Variants in CEP43 observed in about 807,000 individuals in gnomAD.
CEP43 encodes the protein centrosomal protein 43.
A neutral mutation model predicts 52.6 loss-of-function variants in CEP43; 36 were observed. The observed-to-expected ratio is 0.68, with a 90% CI of 0.52 to 0.90. The LOEUF (loss-of-function observed/expected upper bound fraction) is 0.90, where lower values mean the gene tolerates loss of function less well. Among genes scored for constraint, CEP43 ranks in the 40% least tolerant of loss-of-function variants. CEP43 has a pLI of 0.00. For synonymous variants in CEP43, 192 were observed against 172.4 expected (o/e 1.11, Z -0.89); for missense variants, 506 against 472.8 (o/e 1.07, Z -0.65).
At position 167,046,284 on chromosome 6, in the gene CEP43, T is replaced by A. The variant is rs1285293631; in HGVS notation, c.*6306T>A. ...CTTAACACACATTTCCAAGAAAATA[T>A]CCATCACACTAGAAAGAAAGAAAGA... On this transcript the variant is annotated 3_prime_UTR_variant, in exon 13 of 13. Coordinates refer to ENST00000366847, the MANE Select transcript of CEP43 (RefSeq NM_007045.4). The A allele has an allele frequency of 6.8e-6, 1 of 146,150 alleles. No homozygotes were observed. The highest frequency in any genetic ancestry group is 6.9e-5 in the Admixed American group (1 of 14,400). The allele number at this position is 146,150 out of a possible 1,614,324, so 9.1% of individuals were successfully genotyped here.
At position 167,050,153 on chromosome 6, in the gene CEP43, C is replaced by T. The variant is rs1192553187; in HGVS notation, c.*10175C>T. On this transcript the variant is annotated 3_prime_UTR_variant, in exon 13 of 13. Coordinates refer to ENST00000366847, the MANE Select transcript of CEP43 (RefSeq NM_007045.4). Reference sequence around the variant, plus strand: ...AGGGTGGTTTTCCCTACTCTGTTTTCATGATAGTGAGTCTCACAAGGTCTG... The same window carrying T: ...AGGGTGGTTTTCCCTACTCTGTTTTTATGATAGTGAGTCTCACAAGGTCTG... 6.6e-6 allele frequency: 1 copy of T among 152,204 alleles called. No individual in the cohort carries two copies. The highest frequency in any genetic ancestry group is 1.5e-5 in the Non-Finnish European group (1 of 68,096). The allele number at this position is 152,204 out of a possible 1,614,324, so 9.4% of individuals were successfully genotyped here. A position where few individuals can be genotyped will look rare whatever the true frequency, so the allele number is the denominator to read the frequency against.
chr6:167,041,837 CGGGGG>C lies in CEP43; in HGVS notation c.*1862_*1866del. 1 of 39,142 alleles carries C rather than the reference CGGGGG, an allele frequency of 2.6e-5. No homozygotes were observed. The highest frequency in any genetic ancestry group is 3.6e-5 in the Non-Finnish European group (1 of 27,510). The allele number at this position is 39,142 out of a possible 1,614,324, so 2.4% of individuals were successfully genotyped here. ...ACATACATCTTTTTTTTGCGGGGGG[CGGGGG>C]GGACAGAGTCTCACTGTGTCACTCA... On this transcript the variant is annotated 3_prime_UTR_variant, in exon 13 of 13. Transcript: ENST00000366847.
chr6:167,038,187 TTAAC>T (rs1367755399), intron 12 of CEP43, among the ~76,000 whole-genome samples: 1 of 152,262 alleles, frequency 6.6e-6, no homozygotes, highest in African/African-American at 2.4e-5. Context: ...GGTTAATAGG[TTAAC>T]TTTCTAGTTT....
At chr6:167,013,609 A>G (rs781689727) in intron 7 of CEP43, 42 bp downstream of exon 7, 8 of 1,560,526 alleles carry the variant, frequency 5.1e-6, no homozygotes, top group Non-Finnish European at 7.1e-6. Flanking sequence ...GCCTGTGGGC[A>G]TCAGGTCTCG....
chr6:167,010,518 G>A (rs1412446298), intron 5 of CEP43, among the ~76,000 whole-genome samples: 1 of 152,220 alleles, frequency 6.6e-6, no homozygotes, highest in Non-Finnish European at 1.5e-5. Flanking sequence ...GAGAAGGGAA[G>A]TGAGGAAGTA....
chr6:167,016,589 T>C (rs1780104648), intron 7 of CEP43, among the ~76,000 whole-genome samples: 1 of 152,100 alleles, frequency 6.6e-6, no homozygotes, highest in Non-Finnish European at 1.5e-5. Context: ...AAAACTAACA[T>C]GTATTGAGAT....
intron 10 of CEP43, among the ~76,000 whole-genome samples, chr6:167,030,685 C>T (rs571813916): frequency 6.6e-6 from 1 of 152,184 alleles, no homozygotes; most frequent in Admixed American, 6.5e-5. Flanking sequence ...TTGACCCAAG[C>T]CTTTTACCCC....
chr6:167,021,317 A>G (rs887996032), intron 7 of CEP43, among the ~76,000 whole-genome samples: 1 of 152,178 alleles, frequency 6.6e-6, no homozygotes, highest in South Asian at 2.1e-4. Context: ...TGACTTTGAT[A>G]TTGACCTGAC....
chr6:167,040,178 T>A lies in CEP43; in HGVS notation c.*200T>A. ...CTATTTGAGCCCATGTGTGGAAGAT[T>A]TAATATTCTTAATTTAACTGTACAT... On this transcript the variant is annotated 3_prime_UTR_variant, in exon 13 of 13. Coordinates refer to ENST00000366847, the MANE Select transcript of CEP43 (RefSeq NM_007045.4). The A allele has an allele frequency of 6.5e-7, 1 of 1,530,788 alleles. No individual in the cohort carries two copies. Among genetic ancestry groups the A allele is most frequent in the Non-Finnish European group, 8.7e-7 (1 of 1,143,980 alleles). 94.8% of individuals were successfully genotyped at this position (1,530,788 alleles called of 1,614,324 possible).
intron 7 of CEP43, 77 bp downstream of exon 7, chr6:167,013,644 G>C: frequency 1.7e-6 from 2 of 1,173,704 alleles, no homozygotes; most frequent in Non-Finnish European, 1.3e-6. Flanking sequence ...TGGAGCGCTG[G>C]GCTCCTGTCA....
intron 5 of CEP43, among the ~76,000 whole-genome samples, chr6:167,005,313 A>G (rs1011472022): frequency 6.6e-6 from 1 of 152,264 alleles, no homozygotes; most frequent in African/African-American, 2.4e-5. Context: ...TGAATAGCGC[A>G]GAGCTATTTA....
chr6:167,000,011 G>A (rs759585019), intron 1 of CEP43, 49 bp from the exon 2 acceptor site: 1 of 1,512,118 alleles, frequency 6.6e-7, no homozygotes, highest in South Asian at 1.1e-5. Flanking sequence ...AGCTTGTTGT[G>A]AAAATTGTCT....
intron 7 of CEP43, among the ~76,000 whole-genome samples, chr6:167,015,512 G>A (rs548531311): frequency 1.3e-5 from 2 of 152,302 alleles, no homozygotes; most frequent in African/African-American, 4.8e-5. Context: ...GGAGCCATCC[G>A]CATGGTAGGT....
At position 167,029,971 on chromosome 6, in the gene CEP43, G is replaced by A. The variant is rs562493449; in HGVS notation, c.989-2632G>A. 7.9e-5 allele frequency among the ~76,000 whole-genome samples: 12 copies of A among 152,298 alleles called. 1 individual carries two copies. The South Asian group carries it at 2.5e-3, about 32-fold the overall frequency. On this transcript the variant is annotated intron_variant, in intron 10 of 12. Coordinates refer to ENST00000366847, the MANE Select transcript of CEP43 (RefSeq NM_007045.4). ...TATAAAGAACCTTCTTAAGGGTGGG[G>A]GAGATTACAAAGTACATTGATCAGT...
intron 1 of CEP43, 175 bp downstream of exon 1, chr6:166,999,689 C>T (rs895540026): frequency 1.2e-5 from 6 of 482,430 alleles, no homozygotes; most frequent in Admixed American, 4.3e-5. Context: ...AGGGGGTCGG[C>T]TCGTTCGTTC....
intron 10 of CEP43, chr6:167,028,333 G>A: frequency 1.0e-6 from 1 of 985,404 alleles, no homozygotes; most frequent in Non-Finnish European, 1.2e-6. Context: ...GCTGGGTACA[G>A]GCAGGAGGGT....
In CEP43 at chr6:167,042,360, T is replaced by G. The variant is rs1583297254; in HGVS notation, c.*2382T>G. ...GTGGAGTTTTAAAAATGCTAGGTCT[T>G]TCTTTCATTTTATTGATAACTACAA... On this transcript the variant is annotated 3_prime_UTR_variant, in exon 13 of 13. Coordinates refer to ENST00000366847, the MANE Select transcript of CEP43 (RefSeq NM_007045.4). 1 of 943,080 alleles carries G rather than the reference T, an allele frequency of 1.1e-6. No individual in the cohort carries two copies. The highest frequency in any genetic ancestry group is 1.3e-6 in the Non-Finnish European group (1 of 790,542). 58.4% of individuals were successfully genotyped at this position (943,080 alleles called of 1,614,324 possible). A position where few individuals can be genotyped will look rare whatever the true frequency, so the allele number is the denominator to read the frequency against.
chr6:167,002,139 T>C (rs1442147118), intron 2 of CEP43, among the ~76,000 whole-genome samples: 1 of 152,232 alleles, frequency 6.6e-6, no homozygotes, highest in Non-Finnish European at 1.5e-5. Flanking sequence ...ATCAAGGTAC[T>C]GCGCATATCC....
Position 167,048,887 on chromosome 6 carries a change from A to G in CEP43, c.*8909A>G, listed in dbSNP as rs2114862900. On this transcript the variant is annotated 3_prime_UTR_variant, in exon 13 of 13. Transcript: ENST00000366847. The stretch of plus-strand genomic sequence containing the variant: ...TCATATGTGGAAAAAGAACTTGAAA[A>G]AGGTTTCCAGAAATGTGACAATTCT... 1.3e-5 allele frequency: 2 copies of G among 152,362 alleles called. No individual in the cohort carries two copies. The highest frequency in any genetic ancestry group is 4.1e-4 in the South Asian group (2 of 4,834). 9.4% of individuals were successfully genotyped at this position (152,362 alleles called of 1,614,324 possible). A position where few individuals can be genotyped will look rare whatever the true frequency, so the allele number is the denominator to read the frequency against.
Sources: allele counts gnomAD v4.1 joint callset (sites outside exome capture counted in the v4.1 genomes callset), GRCh38; gene constraint gnomAD v4.1.1; transcripts MANE v1.5; gene names NCBI Gene and HGNC (gene_info 2026-07-23, HGNC 2026-07-21).